The following PTPRC variants were observed in gnomAD, a reference collection of about 807,000 sequenced individuals.
PTPRC encodes protein tyrosine phosphatase receptor type C.
In PTPRC, 44 loss-of-function variants were observed where a neutral mutation model predicts 155.9. The observed-to-expected ratio is 0.28, with a 90% CI of 0.22 to 0.36. PTPRC has a LOEUF of 0.36. Among genes scored for constraint, PTPRC ranks in the 10% least tolerant of loss-of-function variants. The pLI is 1.00. For synonymous variants in PTPRC, 525 were observed against 533.1 expected (o/e 0.98, Z 0.21); for missense variants, 1,401 against 1,564.6 (o/e 0.90, Z 1.76).
At chr1:198,745,372 G>A (rs1655092441) in intron 26 of PTPRC, among the ~76,000 whole-genome samples, 1 of 151,770 alleles carries the variant, frequency 6.6e-6, no homozygotes, top group African/African-American at 2.4e-5. Flanking sequence ...GAGTAGAAAT[G>A]CAAGTCGGTT....
intron 15 of PTPRC, among the ~76,000 whole-genome samples, chr1:198,726,846 T>TTTTTC (rs928639903): frequency 3.3e-5 from 5 of 151,712 alleles, no homozygotes; most frequent in Non-Finnish European, 7.4e-5. Context: ...TTACCTTTCT[T>TTTTTC]TTTTCTTTTC....
intron 2 of PTPRC, among the ~76,000 whole-genome samples, chr1:198,643,813 T>A (rs1367850591): frequency 2.0e-5 from 3 of 151,950 alleles, no homozygotes; most frequent in African/African-American, 7.2e-5. Flanking sequence ...GGTCCAGTCA[T>A]GGCAATTGCT....
intron 2 of PTPRC, among the ~76,000 whole-genome samples, chr1:198,647,728 G>A (rs1663015222): frequency 6.6e-6 from 1 of 151,696 alleles, no homozygotes; most frequent in Admixed American, 6.6e-5. Context: ...AACTTTTTGA[G>A]TATTTCATTT....
At chr1:198,722,517 T>G in intron 15 of PTPRC, 41 bp downstream of exon 15, 1 of 1,134,232 alleles carries the variant, frequency 8.8e-7, no homozygotes, top group Non-Finnish European at 1.2e-6. Flanking sequence ...TATTAAGATA[T>G]ATATTAATGC....
chr1:198,752,765 C>T lies in PTPRC; in HGVS notation c.3502C>T (p.His1168Tyr). Residue 1168 changes from histidine to tyrosine, a missense_variant, in exon 31 of 33, where the codon CAC becomes TAC. Transcript: ENST00000442510. ...TCACAAGAGTACACCTCTACTCATT[C>T]ACTGCAGGTGCGTGGGATTTGGTAG... ...KHHKSTPLLI[H>Y]CRDGSQQTGI... 2 of 1,612,416 alleles carry T rather than the reference C, an allele frequency of 1.2e-6. No individual in the cohort carries two copies. Among genetic ancestry groups the T allele is most frequent in the Admixed American group, 3.3e-5 (2 of 59,840 alleles).
At chr1:198,692,595 G>A in intron 3 of PTPRC, 6 of 1,025,484 alleles carry the variant, frequency 5.9e-6, no homozygotes, top group Non-Finnish European at 7.3e-6. Flanking sequence ...TATATTTTGT[G>A]TATAAATAGT....
chr1:198,675,153 G>A (rs1664877618), intron 2 of PTPRC, among the ~76,000 whole-genome samples: 1 of 151,872 alleles, frequency 6.6e-6, no homozygotes, highest in Non-Finnish European at 1.5e-5. Context: ...CCAAAGCCCT[G>A]ATTTTAAGAA....
intron 2 of PTPRC, among the ~76,000 whole-genome samples, chr1:198,687,744 T>A (rs1275273249): frequency 9.2e-5 from 14 of 152,198 alleles, no homozygotes; most frequent in African/African-American, 3.4e-4. Flanking sequence ...AAAATAGATT[T>A]ATGTAATCTA....
chr1:198,735,390 A>T (rs1167174620), intron 23 of PTPRC, 138 bp downstream of exon 23: 1 of 833,214 alleles, frequency 1.2e-6, no homozygotes, highest in East Asian at 2.9e-5. Flanking sequence ...TGTGGTTAGA[A>T]CAATGACAAA....
At chr1:198,661,101 C>G (rs747525976) in intron 2 of PTPRC, among the ~76,000 whole-genome samples, 1 of 152,064 alleles carries the variant, frequency 6.6e-6, no homozygotes, top group Non-Finnish European at 1.5e-5. Flanking sequence ...TGCTGAACTG[C>G]TGAAATATTT....
intron 26 of PTPRC, among the ~76,000 whole-genome samples, chr1:198,747,331 G>A (rs1261713725): frequency 3.3e-5 from 5 of 151,858 alleles, no homozygotes; most frequent in African/African-American, 9.6e-5. Context: ...AAGCTGGTTT[G>A]GTAGAAGTAT....
intron 2 of PTPRC, among the ~76,000 whole-genome samples, chr1:198,643,738 T>C (rs188452349): frequency 4.6e-5 from 7 of 151,926 alleles, no homozygotes; most frequent in African/African-American, 1.4e-4. Flanking sequence ...CACATACCCA[T>C]AGGAGAAAAA....
intron 26 of PTPRC, 101 bp from the exon 27 acceptor site, chr1:198,748,008 C>G: frequency 6.7e-7 from 1 of 1,485,876 alleles, no homozygotes; most frequent in East Asian, 2.5e-5. Context: ...GCAAATTTCA[C>G]AAAAATTAAT....
intron 15 of PTPRC, 104 bp from the exon 16 acceptor site, chr1:198,728,236 A>G (rs1451416424): frequency 2.4e-6 from 2 of 851,044 alleles, no homozygotes; most frequent in Middle Eastern, 3.7e-4. Context: ...ACCTCACAAT[A>G]AATTTAAAAA....
At chr1:198,677,485 CTCA>C (rs1665022005) in intron 2 of PTPRC, among the ~76,000 whole-genome samples, 2 of 151,212 alleles carry the variant, frequency 1.3e-5, no homozygotes, top group South Asian at 4.2e-4. Context: ...TTCTAAAAGA[CTCA>C]TCATCTTCCT....
intron 7 of PTPRC, among the ~76,000 whole-genome samples, chr1:198,704,063 CTT>C (rs1171340763): frequency 6.6e-6 from 1 of 151,802 alleles, no homozygotes; most frequent in Admixed American, 6.6e-5. Context: ...TTTTCTCTGA[CTT>C]TTTTTTATGT....
At chr1:198,701,651 T>C (rs1470783022) in intron 5 of PTPRC, among the ~76,000 whole-genome samples, 1 of 152,190 alleles carries the variant, frequency 6.6e-6, no homozygotes, top group Non-Finnish European at 1.5e-5. Flanking sequence ...CAATGTGCAG[T>C]TTCTTTGGCT....
intron 8 of PTPRC, among the ~76,000 whole-genome samples, chr1:198,706,471 C>A (rs1038859140): frequency 1.3e-5 from 2 of 152,152 alleles, no homozygotes; most frequent in African/African-American, 4.8e-5. Context: ...CTAGACTTTG[C>A]TCTCATGGAA....
intron 14 of PTPRC, among the ~76,000 whole-genome samples, chr1:198,719,726 TCAG>T (rs1653789523): frequency 6.6e-6 from 1 of 152,152 alleles, no homozygotes; most frequent in Non-Finnish European, 1.5e-5. Context: ...TTCTCCTGCC[TCAG>T]CCTCCTGAGT....
Sources: allele counts gnomAD v4.1 joint callset (sites outside exome capture counted in the v4.1 genomes callset), GRCh38; gene constraint gnomAD v4.1.1; transcripts MANE v1.5; gene names NCBI Gene and HGNC (gene_info 2026-07-23, HGNC 2026-07-21).